The following SLC30A4 variants were observed in gnomAD, a reference collection of about 807,000 sequenced individuals.
The protein encoded by SLC30A4 is probable proton-coupled zinc antiporter SLC30A4.
A neutral mutation model predicts 41.7 loss-of-function variants in SLC30A4; 20 were observed. The ratio of observed to expected loss-of-function variants is 0.48; its 90% CI spans 0.34 to 0.70. The LOEUF (loss-of-function observed/expected upper bound fraction) is 0.70, where lower values mean the gene tolerates loss of function less well. SLC30A4 is among the 30% of genes least tolerant of loss of function. SLC30A4 has a pLI of 0.01. For missense variants in SLC30A4, 441 were observed against 529.3 expected (o/e 0.83, Z 1.64); for synonymous variants, 181 against 195.9 (o/e 0.92, Z 0.64).
chr15:45,489,028 A>C lies in SLC30A4; in HGVS notation c.707T>G (p.Leu236Trp). ...VAVNVIMGFL[L>W]NQSGHRHSHS... ...GGAGTGACGGTGACCAGACTGGTTCAACAGAAACCCCATTCTGTTAAAAAT... is the reference window on the plus strand; with the variant it reads ...GGAGTGACGGTGACCAGACTGGTTCCACAGAAACCCCATTCTGTTAAAAAT... Residue 236 changes from leucine to tryptophan, a missense_variant, in exon 5 of 8, where the codon TTG becomes TGG. Coordinates refer to ENST00000261867, the MANE Select transcript of SLC30A4 (RefSeq NM_013309.6). The C allele has an allele frequency of 6.2e-7, 1 of 1,610,156 alleles. No individual in the cohort carries two copies. Among genetic ancestry groups the C allele is most frequent in the African/African-American group, 1.3e-5 (1 of 74,934 alleles).
chr15:45,484,894 T>C lies in SLC30A4; in HGVS notation c.*269A>G, dbSNP rs1891667964. 2 of 365,204 alleles carry C rather than the reference T, an allele frequency of 5.5e-6. No homozygotes were observed. The highest frequency in any genetic ancestry group is 9.8e-6 in the Non-Finnish European group (2 of 204,758). The allele number at this position is 365,204 out of a possible 1,614,324, so 22.6% of individuals were successfully genotyped here. ...CTGTCAAGTTAATGAAGTATGATCT[T>C]GGATTGTCTTCTATGAGGTATCTGT... is the stretch of plus-strand genomic sequence containing the variant. On this transcript the variant is annotated 3_prime_UTR_variant, in exon 8 of 8. Transcript: ENST00000261867.
intron 3 of SLC30A4, among the ~76,000 whole-genome samples, chr15:45,504,826 C>T (rs776682046): frequency 3.3e-5 from 5 of 152,168 alleles, no homozygotes; most frequent in Non-Finnish European, 5.9e-5. Flanking sequence ...CAAGGTCAAA[C>T]TGGTAGGAAG....
chr15:45,486,028 T>TC (rs914468714), intron 7 of SLC30A4, among the ~76,000 whole-genome samples: 2 of 150,386 alleles, frequency 1.3e-5, no homozygotes, highest in African/African-American at 4.9e-5. Context: ...CGGGAAATAT[T>TC]CTTTTTTTTT....
chr15:45,495,994 G>A (rs190568293), intron 3 of SLC30A4, among the ~76,000 whole-genome samples: 30 of 152,126 alleles, frequency 2.0e-4, no homozygotes, highest in African/African-American at 7.2e-4. Flanking sequence ...TGTCTTCTGG[G>A]ATATAGACAT....
At chr15:45,515,476 A>C (rs571295330) in intron 2 of SLC30A4, among the ~76,000 whole-genome samples, 16 of 152,038 alleles carry the variant, frequency 1.1e-4, no homozygotes, top group Non-Finnish European at 2.4e-4. Context: ...AACACGGTGA[A>C]AGCCCGTCTC....
chr15:45,522,166 G>A lies in SLC30A4; in HGVS notation c.189C>T (p.Asn63=). 1.9e-6 allele frequency: 3 copies of A among 1,614,224 alleles called. No homozygotes were observed. Among genetic ancestry groups the A allele is most frequent in the Non-Finnish European group, 1.7e-6 (2 of 1,180,038 alleles). Residue 63 remains asparagine (N), a synonymous_variant, in exon 2 of 8, where the codon AAC becomes AAT. Coordinates refer to ENST00000261867, the MANE Select transcript of SLC30A4 (RefSeq NM_013309.6). ...CGGCCTGGAGGGTCGGGTGCGCCCC[G>A]TTAACAGGCCTTTCCGGGGCTTCGG... The part of the protein sequence containing the change: ...DGSEAPERPV[N]GAHPTLQADD...
intron 4 of SLC30A4, among the ~76,000 whole-genome samples, chr15:45,490,316 A>T (rs1008989366): frequency 6.6e-6 from 1 of 152,128 alleles, no homozygotes; most frequent in African/African-American, 2.4e-5. Context: ...CTTGAACTCT[A>T]GAGCGCAAGT....
At chr15:45,509,781 A>T (rs1892241846) in intron 3 of SLC30A4, among the ~76,000 whole-genome samples, 1 of 152,136 alleles carries the variant, frequency 6.6e-6, no homozygotes, top group African/African-American at 2.4e-5. Context: ...GCTGTGGGCC[A>T]GTCATGGCAG....
intron 3 of SLC30A4, among the ~76,000 whole-genome samples, chr15:45,503,900 C>T (rs112232176): frequency 0.084 from 12,823 of 152,088 alleles, 1,788 homozygotes; most frequent in African/African-American, 0.29. Context: ...GAGCTGAGAT[C>T]GTGCCATTGC....
intron 3 of SLC30A4, among the ~76,000 whole-genome samples, chr15:45,505,831 T>C (rs1336708403): frequency 6.6e-6 from 1 of 152,134 alleles, no homozygotes; most frequent in Non-Finnish European, 1.5e-5. Flanking sequence ...TGGAATGGTA[T>C]GGGGAGATGG....
rs751585996 is a variant in SLC30A4 at position 45,514,510 on chromosome 15, A to ATT, written c.392-3228_392-3227dup. On this transcript the variant is annotated intron_variant, in intron 2 of 7. Transcript: ENST00000261867. ...ATTTGGAGTTTAGATTGATATTCCA[A>ATT]TTTTTTTTTTTTTTTTTTTTTTGAG... 1.8e-3 allele frequency among the ~76,000 whole-genome samples: 224 copies of ATT among 124,976 alleles called. 2 individuals carry two copies. Among genetic ancestry groups the ATT allele is most frequent in the Middle Eastern group, 4.2e-3 (1 of 240 alleles). The allele number at this position is 124,976 out of a possible 152,430, so 82.0% of individuals were successfully genotyped here.
At chr15:45,520,323 G>A (rs1369587994) in intron 2 of SLC30A4, among the ~76,000 whole-genome samples, 3 of 151,824 alleles carry the variant, frequency 2.0e-5, no homozygotes, top group Non-Finnish European at 2.9e-5. Context: ...AGGCTGGAGT[G>A]CAGTGGCGCA....
In SLC30A4 at chr15:45,485,056, C is replaced by T. The variant is rs1369315682; in HGVS notation, c.*107G>A. 1.1e-5 allele frequency: 9 copies of T among 800,452 alleles called. No individual in the cohort carries two copies. Among genetic ancestry groups the T allele is most frequent in the East Asian group, 2.7e-5 (1 of 37,146 alleles). 49.6% of individuals were successfully genotyped at this position (800,452 alleles called of 1,614,324 possible). A position where few individuals can be genotyped will look rare whatever the true frequency, so the allele number is the denominator to read the frequency against. On this transcript the variant is annotated 3_prime_UTR_variant, in exon 8 of 8. Coordinates refer to ENST00000261867, the MANE Select transcript of SLC30A4 (RefSeq NM_013309.6). ...CTGTTTGAGAGACTGATGCTTGATACGGACACAGCTGTCAGGGATTCCATT... is the reference window on the plus strand; with the variant it reads ...CTGTTTGAGAGACTGATGCTTGATATGGACACAGCTGTCAGGGATTCCATT...
At chr15:45,489,218 T>C (rs1345920034) in intron 4 of SLC30A4, among the ~76,000 whole-genome samples, 176 bp from the exon 5 acceptor site, 1 of 152,050 alleles carries the variant, frequency 6.6e-6, no homozygotes, top group African/African-American at 2.4e-5. Flanking sequence ...GATAGACATA[T>C]CCCTACCCCC....
chr15:45,513,877 G>C (rs188498786), intron 2 of SLC30A4: 1 of 152,310 alleles, frequency 6.6e-6, no homozygotes, highest in East Asian at 1.9e-4. Context: ...TATTTGACTG[G>C]ACACTTGAAG....
intron 3 of SLC30A4, among the ~76,000 whole-genome samples, chr15:45,492,679 T>C (rs575906051): frequency 3.3e-5 from 5 of 151,704 alleles, no homozygotes; most frequent in African/African-American, 1.2e-4. Flanking sequence ...GCCCAAAACA[T>C]AGTGTTATGT....
chr15:45,522,544 T>A, intron 1 of SLC30A4, 63 bp downstream of exon 1: 1 of 550,384 alleles, frequency 1.8e-6, no homozygotes, highest in South Asian at 3.3e-5. Flanking sequence ...TGGCGGCGGG[T>A]CGCAGGGCCG....
At chr15:45,496,533 C>T (rs1891909880) in intron 3 of SLC30A4, among the ~76,000 whole-genome samples, 1 of 152,124 alleles carries the variant, frequency 6.6e-6, no homozygotes, top group African/African-American at 2.4e-5. Context: ...GTGAAAGCTA[C>T]CACCCCATTA....
intron 3 of SLC30A4, among the ~76,000 whole-genome samples, chr15:45,507,478 G>C (rs149264929): frequency 5.4e-3 from 818 of 150,240 alleles, no homozygotes; most frequent in African/African-American, 0.019. Flanking sequence ...CTTTTCTCCT[G>C]GTTCTGTTCT....
Sources: gnomAD v4.1 joint callset for allele counts (sites outside exome capture counted in the v4.1 genomes callset) on GRCh38, gnomAD v4.1.1 for gene constraint, MANE v1.5 for transcripts, NCBI Gene and HGNC (gene_info 2026-07-23, HGNC 2026-07-21) for gene names.